The following XKR6 variants were observed in gnomAD, a reference collection of about 807,000 sequenced individuals.
XKR6 encodes the protein XK-related protein 6.
XKR6 carries 22 observed loss-of-function variants against 56.7 expected under a neutral mutation model. That is an observed-to-expected ratio of 0.39 (90% CI 0.28 to 0.55). The LOEUF is 0.55. XKR6 is among the 20% of genes least tolerant of loss of function. XKR6 has a pLI of 0.66. For missense variants in XKR6, 852 were observed against 889.0 expected (o/e 0.96, Z 0.53); for synonymous variants, 524 against 387.8 (o/e 1.35, Z -4.13).
At position 11,120,421 on chromosome 8, in the gene XKR6, A is replaced by G. The variant is rs900747598; in HGVS notation, c.764+80155T>C. 4.6e-5 allele frequency among the ~76,000 whole-genome samples: 7 copies of G among 152,304 alleles called. No individual in the cohort carries two copies. The East Asian group carries it at 5.8e-4, about 13-fold the overall frequency. ...ACAAACAGAGAGCCAAATCATGAGT[A>G]AACTCCCATTCACAATTGCTTCACA... On this transcript the variant is annotated intron_variant, in intron 1 of 2. Transcript: ENST00000416569.
At chr8:10,976,599 G>A (rs1802568681) in intron 1 of XKR6, among the ~76,000 whole-genome samples, 1 of 152,196 alleles carries the variant, frequency 6.6e-6, no homozygotes, top group South Asian at 2.1e-4. Context: ...ATGGTCACAG[G>A]AGGGTGAGAA....
At chr8:11,023,278 C>A (rs1044875680) in intron 1 of XKR6, among the ~76,000 whole-genome samples, 1 of 152,170 alleles carries the variant, frequency 6.6e-6, no homozygotes, top group Non-Finnish European at 1.5e-5. Flanking sequence ...GATCCCAGAC[C>A]CTGTTCTGCC....
intron 1 of XKR6, among the ~76,000 whole-genome samples, chr8:10,946,512 C>T (rs111760220): frequency 0.014 from 2,058 of 152,078 alleles, 68 homozygotes; most frequent in African/African-American, 0.046. Context: ...TAAGGAGGTT[C>T]TTCATCCACC....
chr8:10,946,418 T>C (rs1367867900), intron 1 of XKR6, among the ~76,000 whole-genome samples: 1 of 152,064 alleles, frequency 6.6e-6, no homozygotes, highest in East Asian at 1.9e-4. Flanking sequence ...TGTGTAAGCC[T>C]CGGGTGCAGG....
chr8:11,140,393 G>T (rs776630306), intron 1 of XKR6, among the ~76,000 whole-genome samples: 1 of 152,106 alleles, frequency 6.6e-6, no homozygotes, highest in Admixed American at 6.5e-5. Flanking sequence ...AAGTCCTTTG[G>T]GTATCGAGGC....
At chr8:10,972,255 CA>C (rs1223200770) in intron 1 of XKR6, among the ~76,000 whole-genome samples, 1 of 152,140 alleles carries the variant, frequency 6.6e-6, no homozygotes, top group African/African-American at 2.4e-5. Context: ...AGGAAAAAAA[CA>C]ACATGAAATT....
chr8:10,926,208 C>T (rs1169918838), intron 1 of XKR6, among the ~76,000 whole-genome samples: 2 of 152,184 alleles, frequency 1.3e-5, no homozygotes, highest in Non-Finnish European at 2.9e-5. Flanking sequence ...TCTGTCACTG[C>T]CACAACACCA....
At chr8:11,069,689 G>A (rs1800068716) in intron 1 of XKR6, among the ~76,000 whole-genome samples, 1 of 149,234 alleles carries the variant, frequency 6.7e-6, no homozygotes, top group Non-Finnish European at 1.5e-5. Flanking sequence ...AATAAAGAGG[G>A]AGAGGGGAAC....
At chr8:11,168,245 A>C (rs1046564985) in intron 1 of XKR6, among the ~76,000 whole-genome samples, 3 of 152,240 alleles carry the variant, frequency 2.0e-5, no homozygotes, top group African/African-American at 7.2e-5. Context: ...TACTTACTAC[A>C]CAAAGACTTT....
chr8:11,132,988 G>T (rs1800188814), intron 1 of XKR6, among the ~76,000 whole-genome samples: 1 of 152,156 alleles, frequency 6.6e-6, no homozygotes, highest in Admixed American at 6.5e-5. Flanking sequence ...ACACATTTTT[G>T]AGATCAAAAA....
At chr8:10,913,660 G>A (rs1425965686) in intron 2 of XKR6, among the ~76,000 whole-genome samples, 2 of 152,224 alleles carry the variant, frequency 1.3e-5, no homozygotes, top group Non-Finnish European at 2.9e-5. Context: ...CTGCCCCGGT[G>A]CACTCAGCCG....
At chr8:11,118,131 A>G (rs1799268764) in intron 1 of XKR6, among the ~76,000 whole-genome samples, 2 of 152,166 alleles carry the variant, frequency 1.3e-5, no homozygotes, top group Admixed American at 1.3e-4. Flanking sequence ...CGTAAGCAAA[A>G]ATATTTGTAC....
intron 1 of XKR6, among the ~76,000 whole-genome samples, chr8:10,976,069 G>A (rs1481378598): frequency 1.3e-5 from 2 of 152,120 alleles, no homozygotes; most frequent in Non-Finnish European, 2.9e-5. Flanking sequence ...CCAGCTACTT[G>A]GGAGGCTGAG....
intron 1 of XKR6, among the ~76,000 whole-genome samples, chr8:11,163,638 A>G (rs17152949): frequency 0.072 from 10,944 of 152,296 alleles, 684 homozygotes; most frequent in African/African-American, 0.16. Context: ...CTCAGGAGGA[A>G]TAGAACGCAT....
At chr8:11,048,399 C>T (rs576046083) in intron 1 of XKR6, among the ~76,000 whole-genome samples, 10 of 152,116 alleles carry the variant, frequency 6.6e-5, no homozygotes, top group Admixed American at 1.3e-4. Context: ...CTCCCCGCCC[C>T]GCCCACCAGA....
At chr8:11,017,480 G>C (rs1304191293) in intron 1 of XKR6, among the ~76,000 whole-genome samples, 1 of 145,504 alleles carries the variant, frequency 6.9e-6, no homozygotes, top group Non-Finnish European at 1.5e-5. Flanking sequence ...CGCAGCTCCA[G>C]GGCTGCAAGG....
chr8:11,028,589 C>T (rs1448884082), intron 1 of XKR6, among the ~76,000 whole-genome samples: 1 of 152,186 alleles, frequency 6.6e-6, no homozygotes, highest in African/African-American at 2.4e-5. Context: ...AGCTCATTGC[C>T]ATGTTATTCT....
At chr8:10,944,490 G>A (rs1272206646) in intron 1 of XKR6, among the ~76,000 whole-genome samples, 5 of 152,104 alleles carry the variant, frequency 3.3e-5, no homozygotes, top group Non-Finnish European at 7.3e-5. Context: ...TTCACCACAC[G>A]GCAGGGCAGG....
At chr8:11,065,347 C>G (rs1399648462) in intron 1 of XKR6, among the ~76,000 whole-genome samples, 2 of 152,178 alleles carry the variant, frequency 1.3e-5, no homozygotes, top group Non-Finnish European at 2.9e-5. Flanking sequence ...GAAAAACTCT[C>G]CAGGGGTTCT....
Sources: allele counts gnomAD v4.1 joint callset (sites outside exome capture counted in the v4.1 genomes callset), GRCh38; gene constraint gnomAD v4.1.1; transcripts MANE v1.5; gene names NCBI Gene and HGNC (gene_info 2026-07-23, HGNC 2026-07-21).